FLNC: variants seen among roughly 807,000 people sequenced by gnomAD.
The protein encoded by FLNC is filamin C, also known as filamin-C.
Under a neutral mutation model 254.3 loss-of-function variants are expected in FLNC, and 91 were observed. That is an observed-to-expected ratio of 0.36 (90% CI 0.30 to 0.43). The LOEUF is 0.43. FLNC is among the 20% of genes least tolerant of loss of function. The pLI is 1.00. For missense variants in FLNC, 2,853 were observed against 3,802.6 expected, an observed-to-expected ratio of 0.75 and a Z score of 6.57; for synonymous variants, 1,430 against 1,577.2, an observed-to-expected ratio of 0.91 and a Z score of 2.21.
In FLNC at chr7:128,830,979, C is replaced by A; in HGVS notation, c.342C>A (p.Leu114=). ...LEFLEREHIK[L]VSIDSKAIVD... Reference sequence around the variant, plus strand: ...TCCTCGAGCGCGAGCACATCAAGCTCGTGTCCATAGGTCAGTGCCGGGGGC... The same window carrying A: ...TCCTCGAGCGCGAGCACATCAAGCTAGTGTCCATAGGTCAGTGCCGGGGGC... The change falls in exon 1 of 48, where the codon CTC becomes CTA. Residue 114 remains leucine, a synonymous_variant. Transcript: ENST00000325888. 6.2e-7 allele frequency: 1 copy of A among 1,607,928 alleles called. No homozygotes were observed. Among genetic ancestry groups the A allele is most frequent in the Non-Finnish European group, 8.5e-7 (1 of 1,179,924 alleles).
Position 128,846,288 on chromosome 7 carries a change from G to C in FLNC, c.3965-13G>C, listed in dbSNP as rs1451257102. 7 of 1,613,776 alleles carry C rather than the reference G, an allele frequency of 4.3e-6. No homozygotes were observed. The Admixed American group carries it at 1.2e-4, about 27-fold the overall frequency. On this transcript the variant is annotated splice_polypyrimidine_tract_variant and intron_variant, in intron 22 of 47. Coordinates refer to ENST00000325888, the MANE Select transcript of FLNC (RefSeq NM_001458.5). ...CACACTCCCTGATTGATGCCCCTGT[G>C]GCTGGCTTCCAGGCGTGCATCTGGT...
intron 4 of FLNC, 40 bp downstream of exon 4, chr7:128,837,588 C>T: frequency 6.2e-7 from 1 of 1,613,746 alleles, no homozygotes; most frequent in East Asian, 2.2e-5. Context: ...GGCAGCTGGG[C>T]ACATGTAGGC....
chr7:128,848,842 G>A lies in FLNC; in HGVS notation c.4787G>A (p.Gly1596Asp). 6.2e-7 allele frequency: 1 copy of A among 1,614,112 alleles called. No individual in the cohort carries two copies. Among genetic ancestry groups the A allele is most frequent in the Non-Finnish European group, 8.5e-7 (1 of 1,180,012 alleles). ...KKANIRDNGD[G>D]TYTVSYLPDM... The stretch of plus-strand genomic sequence containing the variant: ...GCCAACATCCGGGACAATGGGGATG[G>A]CACGTACACTGTGTCCTACCTGCCG... Residue 1596 changes from glycine (G) to aspartate (D), a missense_variant, in exon 28 of 48, where the codon GGC (glycine) becomes GAC (aspartate). By Grantham distance (94) the Gly-to-Asp change is moderately conservative (BLOSUM62 -1). This residue lies in a region of FLNC where 1,573 missense variants were observed against 1,883.5 expected (regional missense o/e 0.84). Coordinates refer to ENST00000325888, the MANE Select transcript of FLNC (RefSeq NM_001458.5).
Position 128,854,475 on chromosome 7 carries a change from G to T in FLNC, c.6790G>T (p.Ala2264Ser), listed in dbSNP as rs551954485. The T allele has an allele frequency of 6.2e-7, 1 of 1,608,328 alleles. No individual in the cohort carries two copies. Among genetic ancestry groups the T allele is most frequent in the Non-Finnish European group, 8.5e-7 (1 of 1,177,826 alleles). ...CAGCCCATCGGGCAAGGTGGAAGCCGCAGAGATCGTCGAGGGCGAGGACAG... is the reference window on the plus strand; with the variant it reads ...CAGCCCATCGGGCAAGGTGGAAGCCTCAGAGATCGTCGAGGGCGAGGACAG... Reference protein sequence around the residue: ...VTSPSGKVEAAEIVEGEDSAY... With the variant: ...VTSPSGKVEASEIVEGEDSAY... The change falls in exon 41 of 48, where the codon GCA becomes TCA. Residue 2264 changes from alanine (A) to serine (S), a missense_variant. Physicochemically the swap from Ala to Ser is moderately conservative, Grantham distance 99. Coordinates refer to ENST00000325888, the MANE Select transcript of FLNC (RefSeq NM_001458.5).
Position 128,847,772 on chromosome 7 carries a change from C to T in FLNC, c.4364C>T (p.Ala1455Val), listed in dbSNP as rs1403359603. Residue 1455 changes from alanine to valine, a missense_variant, in exon 25 of 48, where the codon GCT (alanine) becomes GTT (valine). Physicochemically the swap from Ala to Val is moderately conservative, Grantham distance 64 (BLOSUM62 0). Around this residue, in one of 10 missense-constraint regions of FLNC, gnomAD observed 1,573 missense variants for 1,883.5 expected, o/e 0.84. Coordinates refer to ENST00000325888, the MANE Select transcript of FLNC (RefSeq NM_001458.5). ...KVKCSGPGLG[A>V]GVRARVPQTF... ...AAGTGCTCAGGGCCAGGGCTGGGGGCTGGTGTCAGGGCCCGGGTTCCTCAG... is the reference window on the plus strand; with the variant it reads ...AAGTGCTCAGGGCCAGGGCTGGGGGTTGGTGTCAGGGCCCGGGTTCCTCAG... 1.2e-6 allele frequency: 2 copies of T among 1,614,120 alleles called. No homozygotes were observed. Among genetic ancestry groups the T allele is most frequent in the East Asian group, 4.5e-5 (2 of 44,884 alleles).
At position 128,854,132 on chromosome 7, in the gene FLNC, G is replaced by A. The variant is rs1310201356; in HGVS notation, c.6643G>A (p.Gly2215Arg). ...VRVEESTQVG[G>R]DPFPAVFGDF... ...GGTGGAGGAGTCCACCCAGGTCGGC[G>A]GGGACCCCTTCCCTGCTGTGTTTGG... The change falls in exon 40 of 48, where the codon GGG (glycine) becomes AGG (arginine). Residue 2215 changes from glycine (G) to arginine (R), a missense_variant. Gly to Arg is a moderately radical substitution (Grantham distance 125). Transcript: ENST00000325888. 6 of 1,612,600 alleles carry A rather than the reference G, an allele frequency of 3.7e-6. No individual in the cohort carries two copies. Among genetic ancestry groups the A allele is most frequent in the Non-Finnish European group, 4.2e-6 (5 of 1,179,856 alleles).
chr7:128,845,002 C>T lies in FLNC; in HGVS notation c.3537C>T (p.Asp1179=). 2 of 1,613,818 alleles carry T rather than the reference C, an allele frequency of 1.2e-6. No individual in the cohort carries two copies. The highest frequency in any genetic ancestry group is 1.7e-6 in the Non-Finnish European group (2 of 1,179,996). The change falls in exon 21 of 48, where the codon GAC becomes GAT. Residue 1179 remains aspartate, a synonymous_variant. Coordinates refer to ENST00000325888, the MANE Select transcript of FLNC (RefSeq NM_001458.5). ...KVGEAATFTV[D]CSEAGEAELT... ...GTGAGGCAGCCACCTTCACTGTGGA[C>T]TGCTCAGAGGCAGGCGAGGCGGAGC...
In FLNC at chr7:128,854,607, C is replaced by T. The variant is rs1365530627; in HGVS notation, c.6922C>T (p.Pro2308Ser). 6.2e-7 allele frequency: 1 copy of T among 1,611,350 alleles called. No individual in the cohort carries two copies. The highest frequency in any genetic ancestry group is 8.5e-7 in the Non-Finnish European group (1 of 1,179,104). The change falls in exon 41 of 48, where the codon CCG becomes TCG. Residue 2308 changes from proline (P) to serine (S), a missense_variant. By Grantham distance (74) the Pro-to-Ser change is moderately conservative (BLOSUM62 -1). Coordinates refer to ENST00000325888, the MANE Select transcript of FLNC (RefSeq NM_001458.5). ...PGSPFQFTVG[P>S]LGEGGAHKVR... is the part of the protein sequence containing the mutation. ...CAGCCCCTTTCAGTTCACTGTGGGG[C>T]CGCTGGGTGAAGGTGGTGCCCACAA...
chr7:128,850,135 C>G, intron 31 of FLNC, 61 bp downstream of exon 31: 1 of 1,347,670 alleles, frequency 7.4e-7, no homozygotes, highest in African/African-American at 1.4e-5. Context: ...TTTCTTCTCT[C>G]TACTCCTCTG....
rs1208666392 is a variant in FLNC, at chr7:128,844,960, G to C, written c.3495G>C (p.Leu1165=). The change falls in exon 21 of 48, where the codon CTG becomes CTC. Residue 1165 remains leucine, a synonymous_variant. Coordinates refer to ENST00000325888, the MANE Select transcript of FLNC (RefSeq NM_001458.5). Reference sequence around the variant, plus strand: ...AGGTGCGGGCCAGTGGACCGGGCCTGGAGCGCGGCAAGGTCGGTGAGGCAG... The same window carrying C: ...AGGTGCGGGCCAGTGGACCGGGCCTCGAGCGCGGCAAGGTCGGTGAGGCAG... ...PSKVRASGPG[L]ERGKVGEAAT... 1 of 1,613,748 alleles carries C rather than the reference G, an allele frequency of 6.2e-7. No individual in the cohort carries two copies. Among genetic ancestry groups the C allele is most frequent in the South Asian group, 1.1e-5 (1 of 91,080 alleles).
rs757253179 is a variant in FLNC at position 128,840,904 on chromosome 7, A to T, written c.1747A>T (p.Thr583Ser). 6.2e-7 allele frequency: 1 copy of T among 1,612,542 alleles called. No homozygotes were observed. ...KVRAWGPGLE[T>S]GQVGKSADFV... ...CCGGGCCTGGGGTCCTGGTTTGGAG[A>T]CTGGCCAGGTGGGCAAGTCAGCCGA... Residue 583 changes from threonine to serine, a missense_variant, in exon 11 of 48, where the codon ACT becomes TCT. Thr to Ser is a moderately conservative substitution (Grantham distance 58, BLOSUM62 1). Transcript: ENST00000325888.
intron 5 of FLNC, 66 bp from the exon 6 acceptor site, chr7:128,837,921 G>C: frequency 2.0e-6 from 3 of 1,470,844 alleles, no homozygotes; most frequent in Non-Finnish European, 2.9e-6. Context: ...GGGTGCATAA[G>C]GCACTGTGGG....
Position 128,845,076 on chromosome 7 carries a change from T to C in FLNC, c.3611T>C (p.Ile1204Thr). The C allele has an allele frequency of 1.2e-6, 2 of 1,613,824 alleles. No individual in the cohort carries two copies. The highest frequency in any genetic ancestry group is 1.7e-6 in the Non-Finnish European group (2 of 1,180,024). ...GCCGGGGTCAAGGCCGAGGTGCTGA[T>C]CCACAACAACGCGGATGGCACCTAC... is the stretch of plus-strand genomic sequence containing the variant. The part of the protein sequence containing the change: ...SDAGVKAEVL[I>T]HNNADGTYHI... Residue 1204 changes from isoleucine to threonine, a missense_variant, in exon 21 of 48, where the codon ATC (isoleucine) becomes ACC (threonine). Ile to Thr is a moderately conservative substitution (Grantham distance 89). Transcript: ENST00000325888.
At position 128,837,205 on chromosome 7, in the gene FLNC, A is replaced by T; in HGVS notation, c.647A>T (p.Glu216Val). ...WEAWDPNQPVENAREAMQQAD... is the reference protein window; with the variant it reads ...WEAWDPNQPVVNAREAMQQAD... ...GCCTGGGACCCCAACCAGCCCGTGGAGAACGCCCGGGAGGCCATGCAGCAG... is the reference window on the plus strand; with the variant it reads ...GCCTGGGACCCCAACCAGCCCGTGGTGAACGCCCGGGAGGCCATGCAGCAG... Residue 216 changes from glutamate to valine, a missense_variant, in exon 3 of 48, where the codon GAG (glutamate) becomes GTG (valine). By Grantham distance (121) the Glu-to-Val change is moderately radical. Coordinates refer to ENST00000325888, the MANE Select transcript of FLNC (RefSeq NM_001458.5). The T allele has an allele frequency of 6.2e-7, 1 of 1,603,430 alleles. No individual in the cohort carries two copies.
chr7:128,840,679 G>A lies in FLNC; in HGVS notation c.1676+5G>A, dbSNP rs1354405944. 2.5e-6 allele frequency: 4 copies of A among 1,612,962 alleles called. No individual in the cohort carries two copies. Among genetic ancestry groups the A allele is most frequent in the East Asian group, 4.5e-5 (2 of 44,886 alleles). The stretch of plus-strand genomic sequence containing the variant: ...CGGCTACGCCATCCCTCGCAGGTGA[G>A]TACCTTGCGCCCCCCATGCTGTCCT... On this transcript the variant is annotated splice_donor_5th_base_variant and intron_variant, in intron 10 of 47. Coordinates refer to ENST00000325888, the MANE Select transcript of FLNC (RefSeq NM_001458.5).
chr7:128,840,076 G>A lies in FLNC; in HGVS notation c.1465G>A (p.Val489Ile). 1 of 1,614,140 alleles carries A rather than the reference G, an allele frequency of 6.2e-7. No homozygotes were observed. The highest frequency in any genetic ancestry group is 2.2e-5 in the East Asian group (1 of 44,890). ...TGGGCGAGGCCTGCAGCCCAAGGGTGTTCGCGTGAAAGAGGTGGCTGACTT... is the reference window on the plus strand; with the variant it reads ...TGGGCGAGGCCTGCAGCCCAAGGGTATTCGCGTGAAAGAGGTGGCTGACTT... The part of the protein sequence containing the change: ...ASGRGLQPKG[V>I]RVKEVADFKV... Residue 489 changes from valine to isoleucine, a missense_variant, in exon 9 of 48, where the codon GTT (valine) becomes ATT (isoleucine). Coordinates refer to ENST00000325888, the MANE Select transcript of FLNC (RefSeq NM_001458.5).
At chr7:128,848,291 G>T (rs1808649594) in intron 26 of FLNC, among the ~76,000 whole-genome samples, 1 of 152,050 alleles carries the variant, frequency 6.6e-6, no homozygotes, top group Non-Finnish European at 1.5e-5. Context: ...GAAGAGTGCA[G>T]GAGGCCTGGG....
Position 128,857,100 on chromosome 7 carries a change from G to C in FLNC, c.7562-18G>C. The stretch of plus-strand genomic sequence containing the variant: ...ACAAGCCCTTCCTGCCCTCAGCCTT[G>C]CTACCTCTGGCCCCCAGGTGTGTCA... On this transcript the variant is annotated intron_variant, in intron 45 of 47. Transcript: ENST00000325888. This position sits in a 1 kb window ranked among gnomAD's most constrained non-coding sequence, Gnocchi z 4.5. 1.9e-6 allele frequency: 3 copies of C among 1,612,496 alleles called. No individual in the cohort carries two copies. The highest frequency in any genetic ancestry group is 2.5e-6 in the Non-Finnish European group (3 of 1,178,654).
chr7:128,854,993 G>A, intron 42 of FLNC, 81 bp downstream of exon 42: 1 of 1,504,696 alleles, frequency 6.6e-7, no homozygotes, highest in Non-Finnish European at 9.2e-7. Flanking sequence ...GGCAGGAGAT[G>A]CTTGGGGCCA....
Sources: gnomAD v4.1 joint callset for allele counts (sites outside exome capture counted in the v4.1 genomes callset) on GRCh38, gnomAD v4.1.1 for gene constraint, gnomAD v4.1.1 regional missense constraint, Gnocchi (gnomAD v3.1) non-coding constraint, MANE v1.5 for transcripts, NCBI Gene and HGNC (gene_info 2026-07-23, HGNC 2026-07-21) for gene names.